The following RAMP1 variants were observed in gnomAD, a reference collection of about 807,000 sequenced individuals.
RAMP1 encodes receptor activity-modifying protein 1.
RAMP1 carries 7 observed loss-of-function variants against 8.2 expected under a neutral mutation model. The ratio of observed to expected loss-of-function variants is 0.85; its 90% CI spans 0.49 to 1.60. The LOEUF is 1.60. Ranked by LOEUF, RAMP1 falls within the 40% of genes most tolerant of loss-of-function variation. The pLI is 0.00. For synonymous variants in RAMP1, 92 were observed against 84.7 expected (o/e 1.09, Z -0.47); for missense variants, 192 against 202.4 (o/e 0.95, Z 0.31).
chr2:237,885,024 G>A (rs1024176573), intron 2 of RAMP1, among the ~76,000 whole-genome samples: 7 of 152,350 alleles, frequency 4.6e-5, no homozygotes, highest in South Asian at 2.1e-4. Context: ...CAGGCATGAC[G>A]CTCTGGGTCC....
At chr2:237,883,796 G>A (rs1321081128) in intron 2 of RAMP1, among the ~76,000 whole-genome samples, 2 of 129,588 alleles carry the variant, frequency 1.5e-5, no homozygotes, top group Non-Finnish European at 3.1e-5. Flanking sequence ...CAGCCTGGGT[G>A]ATAGAACCAG....
intron 2 of RAMP1, among the ~76,000 whole-genome samples, chr2:237,898,833 C>CGTGATTCTTGTGCCTCAGCCTCCCTAGA: frequency 1.3e-5 from 2 of 152,228 alleles, no homozygotes; most frequent in African/African-American, 4.8e-5. Flanking sequence ...GGCCAGGCCA[C>CGTGATTCTTGTGCCTCAGCCTCCCTAGA]AGCGTGGCTC....
At chr2:237,885,813 G>A (rs1313002356) in intron 2 of RAMP1, among the ~76,000 whole-genome samples, 1 of 152,182 alleles carries the variant, frequency 6.6e-6, no homozygotes, top group African/African-American at 2.4e-5. Context: ...TGCCCCCCCT[G>A]GGTGGGAGAA....
intron 1 of RAMP1, among the ~76,000 whole-genome samples, chr2:237,868,590 C>A (rs200639162): frequency 3.6e-3 from 484 of 135,530 alleles, no homozygotes; most frequent in Middle Eastern, 7.3e-3. Context: ...AAAAAAAAAA[C>A]AAAAAAAAAA....
At chr2:237,882,539 G>T (rs1243258545) in intron 2 of RAMP1, among the ~76,000 whole-genome samples, 1 of 152,190 alleles carries the variant, frequency 6.6e-6, no homozygotes, top group Non-Finnish European at 1.5e-5. Flanking sequence ...GTGGAGGGAT[G>T]CCCTGCCTCC....
chr2:237,874,379 C>G (rs2062278010), intron 1 of RAMP1, among the ~76,000 whole-genome samples: 1 of 152,248 alleles, frequency 6.6e-6, no homozygotes, highest in Non-Finnish European at 1.5e-5. Flanking sequence ...GCAGCTCGGC[C>G]TCCGCACGGG....
At chr2:237,879,657 C>T (rs1376759296) in intron 2 of RAMP1, among the ~76,000 whole-genome samples, 8 of 131,774 alleles carry the variant, frequency 6.1e-5, no homozygotes, top group African/African-American at 2.4e-4. Context: ...CAAACCTGCA[C>T]GTTGTGCACA....
intron 2 of RAMP1, among the ~76,000 whole-genome samples, chr2:237,887,960 T>C (rs2062449980): frequency 6.6e-6 from 1 of 151,090 alleles, no homozygotes; most frequent in Non-Finnish European, 1.5e-5. Context: ...ATATCCTTTG[T>C]TTTTTTAAAA....
rs550882454 is a variant in RAMP1 at position 237,891,957 on chromosome 2, C to T, written c.191+14595C>T. On this transcript the variant is annotated intron_variant, in intron 2 of 2. Transcript: ENST00000254661. Reference sequence around the variant, plus strand: ...CTCTCATCCTGATACCTCTCCTTATCACATGTAATCATTTTTGCTCTAAAT... The same window carrying T: ...CTCTCATCCTGATACCTCTCCTTATTACATGTAATCATTTTTGCTCTAAAT... 9.2e-4 allele frequency among the ~76,000 whole-genome samples: 140 copies of T among 152,298 alleles called. 1 individual carries two copies. The Middle Eastern group carries it at 0.02, about 22-fold the overall frequency.
rs1208104845 is a variant in RAMP1, at chr2:237,862,053, G to A, written c.52+2326G>A. ...ATCTTCACTCAGGGAATGCTGGCTG[G>A]TGCTGTCACACATGAACTCAGTCAC... On this transcript the variant is annotated intron_variant, in intron 1 of 2. Transcript: ENST00000254661. This position sits in a 1 kb window ranked among gnomAD's most constrained non-coding sequence, Gnocchi z 4.0. 6.6e-6 allele frequency among the ~76,000 whole-genome samples: 1 copy of A among 152,072 alleles called. No homozygotes were observed. The highest frequency in any genetic ancestry group is 1.5e-5 in the Non-Finnish European group (1 of 68,014).
intron 2 of RAMP1, among the ~76,000 whole-genome samples, chr2:237,897,380 A>G (rs530474058): frequency 6.6e-6 from 1 of 152,324 alleles, no homozygotes; most frequent in East Asian, 1.9e-4. Context: ...CTCCGGCTTC[A>G]TCAGCATGCT....
intron 1 of RAMP1, among the ~76,000 whole-genome samples, chr2:237,868,587 A>C (rs1030652487): frequency 1.2e-4 from 14 of 115,936 alleles, no homozygotes; most frequent in South Asian, 2.5e-4. Flanking sequence ...CAAAAAAAAA[A>C]AACAAAAAAA....
At chr2:237,863,662 T>C (rs1050567038) in intron 1 of RAMP1, among the ~76,000 whole-genome samples, 9 of 152,150 alleles carry the variant, frequency 5.9e-5, no homozygotes, top group African/African-American at 2.2e-4. Context: ...AAATCACGGC[T>C]TCTGGGTGGC....
upstream of RAMP1, chr2:237,859,185 G>A: frequency 6.6e-6 from 1 of 152,384 alleles, no homozygotes; most frequent in Non-Finnish European, 1.5e-5. Context: ...GGCGAGTTTT[G>A]CCCCCCACGC....
chr2:237,874,521 C>T, intron 1 of RAMP1: 1 of 357,002 alleles, frequency 2.8e-6, no homozygotes, highest in Non-Finnish European at 3.9e-6. Context: ...TGCGTGCAGC[C>T]AAGGATCCCG....
At position 237,876,209 on chromosome 2, in the gene RAMP1, A is replaced by G. The variant is rs975029885; in HGVS notation, c.53-1015A>G. Among the ~76,000 whole-genome samples, 3 of 152,302 alleles carry G rather than the reference A, an allele frequency of 2.0e-5. No homozygotes were observed. The South Asian group carries it at 6.2e-4, about 32-fold the overall frequency. ...GCCACGTGCCGGAGACTGGTACTCC[A>G]GAACCCCTCGCCCAATCTGCCTGCC... On this transcript the variant is annotated intron_variant, in intron 1 of 2. Coordinates refer to ENST00000254661, the MANE Select transcript of RAMP1 (RefSeq NM_005855.4).
At chr2:237,899,288 C>T (rs940947354) in intron 2 of RAMP1, among the ~76,000 whole-genome samples, 5 of 152,128 alleles carry the variant, frequency 3.3e-5, no homozygotes, top group Non-Finnish European at 5.9e-5. Context: ...CCAGGCTGGT[C>T]GCGAACTCCT....
chr2:237,874,434 C>CAAG (rs2062279249), intron 1 of RAMP1, among the ~76,000 whole-genome samples: 1 of 152,230 alleles, frequency 6.6e-6, no homozygotes, highest in African/African-American at 2.4e-5. Flanking sequence ...TTCCCAGACC[C>CAAG]TCCTGGGGAC....
chr2:237,868,590 C>CA lies in RAMP1; in HGVS notation c.53-8621dup, dbSNP rs371059895. ...CCCTCCCCCCACCAAAAAAAAAAAA[C>CA]AAAAAAAAAAAAACAGTTCCTGAGT... On this transcript the variant is annotated intron_variant, in intron 1 of 2. Transcript: ENST00000254661. 5.0e-3 allele frequency among the ~76,000 whole-genome samples: 683 copies of CA among 135,602 alleles called. 4 individuals carry two copies. Among genetic ancestry groups the CA allele is most frequent in the African/African-American group, 4.5e-3 (171 of 38,180 alleles). 89.0% of individuals were successfully genotyped at this position (135,602 alleles called of 152,430 possible). A position where few individuals can be genotyped will look rare whatever the true frequency, so the allele number is the denominator to read the frequency against.
Sources: gnomAD v4.1 joint callset for allele counts (sites outside exome capture counted in the v4.1 genomes callset) on GRCh38, gnomAD v4.1.1 for gene constraint, Gnocchi (gnomAD v3.1) non-coding constraint, MANE v1.5 for transcripts, NCBI Gene and HGNC (gene_info 2026-07-23, HGNC 2026-07-21) for gene names.